Variants in ROBO1 observed in about 807,000 individuals in gnomAD.
ROBO1 encodes the protein roundabout homolog 1.
Under a neutral mutation model 195.9 loss-of-function variants are expected in ROBO1, and 149 were observed. That is an observed-to-expected ratio of 0.76 (90% CI 0.67 to 0.87). The LOEUF (loss-of-function observed/expected upper bound fraction) is 0.87. Ranked by LOEUF, ROBO1 falls within the 40% of genes least tolerant of loss-of-function variation. The pLI is 0.00. For synonymous variants in ROBO1, 816 were observed against 733.2 expected (o/e 1.11, Z -1.82); for missense variants, 1,933 against 2,068.3 (o/e 0.93, Z 1.27).
At chr3:79,541,646 C>G (rs2107642889) in intron 2 of ROBO1, among the ~76,000 whole-genome samples, 1 of 151,986 alleles carries the variant, frequency 6.6e-6, no homozygotes, top group Non-Finnish European at 1.5e-5. Flanking sequence ...TTCTGTGGCC[C>G]TACCCAAAAT....
chr3:78,717,367 C>T lies in ROBO1; in HGVS notation c.825G>A (p.Val275=), dbSNP rs751349472. The change falls in exon 7 of 31, where the codon GTG becomes GTA. Residue 275 remains valine, a synonymous_variant. Transcript: ENST00000464233. ...VKRPSNLAVT[V]DDSAEFKCEA... is the part of the protein sequence containing the mutation. ...CACATTTAAATTCTGCACTGTCATC[C>T]ACAGTTACTGCCAAGTTACTGGGTC... 2 of 1,613,482 alleles carry T rather than the reference C, an allele frequency of 1.2e-6. No homozygotes were observed. Among genetic ancestry groups the T allele is most frequent in the Non-Finnish European group, 1.7e-6 (2 of 1,179,542 alleles).
At chr3:78,936,167 T>C (rs1029877173) in intron 4 of ROBO1, among the ~76,000 whole-genome samples, 6 of 152,024 alleles carry the variant, frequency 3.9e-5, no homozygotes, top group Non-Finnish European at 8.8e-5. Context: ...AAATATTATT[T>C]CTATACAGAA....
intron 2 of ROBO1, among the ~76,000 whole-genome samples, chr3:79,566,058 C>A (rs1943079684): frequency 6.6e-6 from 1 of 152,032 alleles, no homozygotes; most frequent in Admixed American, 6.6e-5. Context: ...AGAAAGAACT[C>A]TTGAGTCTTC....
chr3:78,890,002 T>G (rs546473422), intron 4 of ROBO1, among the ~76,000 whole-genome samples: 1 of 152,138 alleles, frequency 6.6e-6, no homozygotes, highest in East Asian at 2.0e-4. Flanking sequence ...TCTGTCTCTA[T>G]CCCACTGCAC....
At chr3:79,386,997 A>C (rs898021070) in intron 2 of ROBO1, among the ~76,000 whole-genome samples, 1 of 152,182 alleles carries the variant, frequency 6.6e-6, no homozygotes, top group Non-Finnish European at 1.5e-5. Context: ...CTTGTCATAT[A>C]GGAGAAGGCA....
chr3:79,365,764 G>T (rs1344700828), intron 2 of ROBO1, among the ~76,000 whole-genome samples: 2 of 151,984 alleles, frequency 1.3e-5, no homozygotes. Context: ...GGGCGTGGTG[G>T]CGGGTGCCTG....
intron 4 of ROBO1, among the ~76,000 whole-genome samples, chr3:78,766,166 G>C (rs569615508): frequency 6.6e-6 from 1 of 152,230 alleles, no homozygotes; most frequent in South Asian, 2.1e-4. Flanking sequence ...CTTCCCAGTT[G>C]AAATAATTTT....
chr3:79,685,494 T>C (rs1425806919), intron 1 of ROBO1, among the ~76,000 whole-genome samples: 1 of 152,184 alleles, frequency 6.6e-6, no homozygotes, highest in Admixed American at 6.5e-5. Context: ...CCTAGGCACA[T>C]GTGATGACTT....
chr3:79,628,705 C>A (rs1219157762), intron 1 of ROBO1, among the ~76,000 whole-genome samples: 1 of 151,960 alleles, frequency 6.6e-6, no homozygotes, highest in African/African-American at 2.4e-5. Flanking sequence ...TATAAACTGG[C>A]CAATGGAATT....
At chr3:79,461,285 C>T (rs561789018) in intron 2 of ROBO1, among the ~76,000 whole-genome samples, 2 of 152,114 alleles carry the variant, frequency 1.3e-5, no homozygotes, top group South Asian at 4.2e-4. Flanking sequence ...CTTTAACCAC[C>T]ACAGTGGGAC....
chr3:78,750,495 A>G (rs902326874), intron 4 of ROBO1, among the ~76,000 whole-genome samples: 1 of 134,006 alleles, frequency 7.5e-6, no homozygotes, highest in South Asian at 2.2e-4. Flanking sequence ...ATAAATAAAT[A>G]AATAAAATAA....
At chr3:78,951,863 T>C (rs1164895266) in intron 3 of ROBO1, among the ~76,000 whole-genome samples, 3 of 152,116 alleles carry the variant, frequency 2.0e-5, no homozygotes, top group Non-Finnish European at 4.4e-5. Flanking sequence ...TGTAAACTGC[T>C]TCCCCCTCTG....
chr3:79,429,384 A>G (rs1479427550), intron 2 of ROBO1, among the ~76,000 whole-genome samples: 1 of 152,084 alleles, frequency 6.6e-6, no homozygotes, highest in Non-Finnish European at 1.5e-5. Flanking sequence ...AATATTCAAG[A>G]TCCAGGGTCC....
intron 2 of ROBO1, among the ~76,000 whole-genome samples, chr3:79,136,634 A>C (rs2080414379): frequency 6.6e-6 from 1 of 152,160 alleles, no homozygotes; most frequent in African/African-American, 2.4e-5. Context: ...ATGAATTATA[A>C]AATCAAATAC....
intron 5 of ROBO1, among the ~76,000 whole-genome samples, chr3:78,725,501 C>A (rs2082140883): frequency 6.6e-6 from 1 of 152,026 alleles, no homozygotes; most frequent in African/African-American, 2.4e-5. Flanking sequence ...GGGGTAAAGA[C>A]TTCTCTGAGC....
chr3:79,224,627 G>C (rs781497258), intron 2 of ROBO1, among the ~76,000 whole-genome samples: 2 of 152,090 alleles, frequency 1.3e-5, no homozygotes, highest in Non-Finnish European at 2.9e-5. Context: ...GGAGGGTCCC[G>C]CATTTATTCC....
At chr3:78,860,302 C>CTATATATATATATATA (rs1200780060) in intron 4 of ROBO1, among the ~76,000 whole-genome samples, 32 of 104,708 alleles carry the variant, frequency 3.1e-4, no homozygotes, top group African/African-American at 4.3e-4. Context: ...TTGAAATATA[C>CTATATATATATATATA]TATATATATA....
At chr3:79,298,887 G>T (rs2032737464) in intron 2 of ROBO1, among the ~76,000 whole-genome samples, 2 of 151,978 alleles carry the variant, frequency 1.3e-5, no homozygotes, top group African/African-American at 2.4e-5. Context: ...AAAATTACAG[G>T]TTAAATCCTG....
intron 8 of ROBO1, among the ~76,000 whole-genome samples, chr3:78,708,653 A>G (rs1312998223): frequency 1.3e-5 from 2 of 152,168 alleles, no homozygotes; most frequent in Non-Finnish European, 2.9e-5. Flanking sequence ...TACCAAGGGG[A>G]GGCATAAATT....
Sources: gnomAD v4.1 joint callset for allele counts (sites outside exome capture counted in the v4.1 genomes callset) on GRCh38, gnomAD v4.1.1 for gene constraint, MANE v1.5 for transcripts, NCBI Gene and HGNC (gene_info 2026-07-23, HGNC 2026-07-21) for gene names.